The following CSMD1 variants were observed in gnomAD, a reference collection of about 807,000 sequenced individuals.
The protein encoded by CSMD1 is CUB and Sushi multiple domains 1.
Under a neutral mutation model 417.5 loss-of-function variants are expected in CSMD1, and 213 were observed. That is an observed-to-expected ratio of 0.51 (90% confidence interval 0.46 to 0.57). The LOEUF is 0.57. Among genes scored for constraint, CSMD1 ranks in the 20% least tolerant of loss-of-function variants. The probability of loss-of-function intolerance (pLI) is 0.00; values close to 1 mark genes in which losing one functional copy is unlikely to be tolerated. For synonymous variants in CSMD1, 2,862 were observed against 1,736.8 expected (o/e 1.65, Z -16.11); for missense variants, 6,923 against 4,529.7 (o/e 1.53, Z -15.17).
chr8:3,949,907 C>T (rs986236579), intron 5 of CSMD1: 12 of 455,792 alleles, frequency 2.6e-5, no homozygotes, highest in Non-Finnish European at 5.3e-5. Flanking sequence ...CCATGGGAAG[C>T]TCCAGGTGTT....
At chr8:4,017,229 G>A (rs760598802) in intron 4 of CSMD1, among the ~76,000 whole-genome samples, 2 of 152,032 alleles carry the variant, frequency 1.3e-5, no homozygotes, top group African/African-American at 4.8e-5. Context: ...TAAATTGTCA[G>A]CACTATTTTT....
At chr8:4,433,443 G>C (rs536942608) in intron 2 of CSMD1, among the ~76,000 whole-genome samples, 1 of 152,032 alleles carries the variant, frequency 6.6e-6, no homozygotes, top group Non-Finnish European at 1.5e-5. Context: ...CACATTAAAG[G>C]CAATTCCCTG....
intron 2 of CSMD1, among the ~76,000 whole-genome samples, chr8:4,435,344 G>C (rs984995648): frequency 6.6e-6 from 1 of 152,098 alleles, no homozygotes; most frequent in African/African-American, 2.4e-5. Flanking sequence ...ATGGAGTTTT[G>C]AGGCCTTATT....
Position 4,017,364 on chromosome 8 carries a change from G to A in CSMD1, c.610+14541C>T, listed in dbSNP as rs1172690555. On this transcript the variant is annotated intron_variant, in intron 4 of 69. Coordinates refer to ENST00000635120, the MANE Select transcript of CSMD1 (RefSeq NM_033225.6). ...CTTGTTGCCCAGGCTGGAGTGCAATGGTGCGATCTTGGCTCACTACAACCT... is the reference window on the plus strand; with the variant it reads ...CTTGTTGCCCAGGCTGGAGTGCAATAGTGCGATCTTGGCTCACTACAACCT... Among the ~76,000 whole-genome samples the A allele has an allele frequency of 3.3e-5, 5 of 152,134 alleles. No individual in the cohort carries two copies. The East Asian group carries it at 9.6e-4, about 29-fold the overall frequency.
chr8:3,110,439 G>T, intron 42 of CSMD1, 104 bp from the exon 43 acceptor site: 1 of 909,298 alleles, frequency 1.1e-6, no homozygotes, highest in Non-Finnish European at 1.6e-6. Context: ...TTTTCCTGAT[G>T]GGAAATAGGT....
chr8:4,040,949 T>C (rs1043438375), intron 3 of CSMD1, among the ~76,000 whole-genome samples: 5 of 152,050 alleles, frequency 3.3e-5, no homozygotes, highest in African/African-American at 4.8e-5. Flanking sequence ...TCTTATGGTC[T>C]TACATTTTGA....
At chr8:3,458,024 C>G (rs1404537704) in intron 12 of CSMD1, among the ~76,000 whole-genome samples, 1 of 152,198 alleles carries the variant, frequency 6.6e-6, no homozygotes, top group Non-Finnish European at 1.5e-5. Context: ...ATATCATTAT[C>G]AGAACTTTCA....
At chr8:3,050,812 T>C (rs914290403) in intron 50 of CSMD1, among the ~76,000 whole-genome samples, 3 of 152,184 alleles carry the variant, frequency 2.0e-5, no homozygotes, top group Non-Finnish European at 4.4e-5. Flanking sequence ...TATAAGTTAG[T>C]TTAAAATTTT....
chr8:4,065,445 G>T (rs751808478), intron 3 of CSMD1, among the ~76,000 whole-genome samples: 3 of 152,124 alleles, frequency 2.0e-5, no homozygotes, highest in Non-Finnish European at 4.4e-5. Flanking sequence ...CAATATAATA[G>T]GAAATTTGGC....
intron 3 of CSMD1, among the ~76,000 whole-genome samples, chr8:4,419,087 G>C (rs750795951): frequency 6.6e-6 from 1 of 152,082 alleles, no homozygotes. Context: ...AGTATTCCCA[G>C]TAAGAATATA....
chr8:3,606,460 G>A (rs550310488), intron 8 of CSMD1, among the ~76,000 whole-genome samples: 2 of 151,938 alleles, frequency 1.3e-5, no homozygotes, highest in African/African-American at 2.4e-5. Context: ...AAAAGGAGCA[G>A]AAAAGATATG....
At chr8:3,093,668 C>CA (rs35321462) in intron 47 of CSMD1, among the ~76,000 whole-genome samples, 222 of 138,480 alleles carry the variant, frequency 1.6e-3, no homozygotes, top group African/African-American at 3.8e-3. Flanking sequence ...AATTCTGTCT[C>CA]AAAAAAAAAA....
At chr8:4,068,001 C>T (rs10088995) in intron 3 of CSMD1, among the ~76,000 whole-genome samples, 44,529 of 151,844 alleles carry the variant, frequency 0.29, 6,953 homozygotes, top group South Asian at 0.38. Context: ...CACCTGAACC[C>T]TGAGTGGGGG....
rs145029985 is a variant in CSMD1, at chr8:4,883,668, A to G, written c.85+110664T>C. On this transcript the variant is annotated intron_variant, in intron 1 of 69. Transcript: ENST00000635120. ...CATGTATTAGTACTTTATGCTTTTT[A>G]TTGCGGAATAATAACCAATTGTATG... 2.1e-3 allele frequency among the ~76,000 whole-genome samples: 325 copies of G among 152,152 alleles called. 2 individuals carry two copies. The highest frequency in any genetic ancestry group is 7.6e-3 in the African/African-American group (314 of 41,480).
intron 5 of CSMD1, among the ~76,000 whole-genome samples, chr8:3,839,434 A>AATATTATATATTATAAT (rs1563133165): frequency 9.7e-6 from 1 of 102,908 alleles, no homozygotes; most frequent in Non-Finnish European, 1.8e-5. Context: ...ATAATAAATT[A>AATATTATATATTATAAT]ATATTATATA....
chr8:3,284,579 A>T (rs190802569), intron 25 of CSMD1: 257 of 526,002 alleles, frequency 4.9e-4, no homozygotes, highest in African/African-American at 3.9e-3. Context: ...GCAGAGAGAT[A>T]GGTGAGCTAG....
chr8:3,942,045 C>G (rs933814252), intron 5 of CSMD1, among the ~76,000 whole-genome samples: 1 of 151,882 alleles, frequency 6.6e-6, no homozygotes, highest in Non-Finnish European at 1.5e-5. Context: ...CGCGCAAACC[C>G]TATTGTGAAT....
At chr8:4,453,434 C>T (rs1488139405) in intron 2 of CSMD1, among the ~76,000 whole-genome samples, 1 of 152,174 alleles carries the variant, frequency 6.6e-6, no homozygotes, top group African/African-American at 2.4e-5. Flanking sequence ...CAGTTAGTCA[C>T]CCGTGTGTTG....
At chr8:4,968,626 G>A (rs1385774681) in intron 1 of CSMD1, among the ~76,000 whole-genome samples, 1 of 151,974 alleles carries the variant, frequency 6.6e-6, no homozygotes, top group Non-Finnish European at 1.5e-5. Flanking sequence ...CTCCCTCAGT[G>A]CTGATTTCAA....
Sources: allele counts gnomAD v4.1 joint callset (sites outside exome capture counted in the v4.1 genomes callset), GRCh38; gene constraint gnomAD v4.1.1; transcripts MANE v1.5; gene names NCBI Gene and HGNC (gene_info 2026-07-23, HGNC 2026-07-21).